LRP1: variants seen among roughly 807,000 people sequenced by gnomAD.
LRP1 encodes the protein LDL receptor related protein 1.
In LRP1, 51 loss-of-function variants were observed where a neutral mutation model predicts 541.5. That is an observed-to-expected ratio of 0.09 (90% CI 0.08 to 0.12). LRP1 has a LOEUF of 0.12. Among genes scored for constraint, LRP1 ranks in the 10% least tolerant of loss-of-function variants. The pLI is 1.00. For synonymous variants in LRP1, 2,219 were observed against 2,470.8 expected, an observed-to-expected ratio of 0.90 and a Z score of 3.02; for missense variants, 3,878 against 6,376.2, an observed-to-expected ratio of 0.61 and a Z score of 13.34.
chr12:57,133,557 G>A (rs2035083852), intron 1 of LRP1, among the ~76,000 whole-genome samples: 1 of 152,096 alleles, frequency 6.6e-6, no homozygotes, highest in Non-Finnish European at 1.5e-5. Flanking sequence ...GGGTTTGGGA[G>A]GCCCTTGCTG....
Position 57,185,231 on chromosome 12 carries a change from T to C in LRP1, c.6463+26T>C. 4 of 1,611,530 alleles carry C rather than the reference T, an allele frequency of 2.5e-6. No homozygotes were observed. The highest frequency in any genetic ancestry group is 3.4e-6 in the Non-Finnish European group (4 of 1,178,942). On this transcript the variant is annotated intron_variant, in intron 40 of 88. Coordinates refer to ENST00000243077, the MANE Select transcript of LRP1 (RefSeq NM_002332.3). This position sits in a 1 kb window ranked among gnomAD's most constrained non-coding sequence, Gnocchi z 4.9. The stretch of plus-strand genomic sequence containing the variant: ...GTGAGGCTGGGGCTCTGGGCTGGGG[T>C]GGAGAGGTGAGGGGGACTCTGGCCT...
intron 4 of LRP1, chr12:57,144,474 G>T: frequency 6.4e-6 from 1 of 156,898 alleles, no homozygotes; most frequent in Admixed American, 6.0e-5. Flanking sequence ...GCCTCCCTCG[G>T]GTCTTTGTGC....
intron 45 of LRP1, 70 bp downstream of exon 45, chr12:57,193,040 T>C (rs2136725278): frequency 6.3e-7 from 1 of 1,589,302 alleles, no homozygotes; most frequent in South Asian, 1.1e-5. Context: ...CCATCTCCCC[T>C]ACATGCTCCA....
At chr12:57,192,250 C>T (rs905138488) in intron 44 of LRP1, among the ~76,000 whole-genome samples, 3 of 152,070 alleles carry the variant, frequency 2.0e-5, no homozygotes, top group African/African-American at 7.3e-5. Flanking sequence ...GCAAAACCCC[C>T]AGTGCTCCTG....
chr12:57,210,586 C>T lies in LRP1; in HGVS notation c.12754+106C>T, dbSNP rs538573510. 2.5e-3 allele frequency: 3,580 copies of T among 1,445,196 alleles called. 7 individuals carry two copies. The highest frequency in any genetic ancestry group is 2.9e-3 in the Non-Finnish European group (3,141 of 1,065,564). The allele number at this position is 1,445,196 out of a possible 1,614,324, so 89.5% of individuals were successfully genotyped here. On this transcript the variant is annotated intron_variant, in intron 82 of 88. Coordinates refer to ENST00000243077, the MANE Select transcript of LRP1 (RefSeq NM_002332.3). ...GCCCAGCCCCTGCCTCGCCTCCAGC[C>T]TCCTTTCCACAACCCAGCATCCAGT...
chr12:57,204,712 G>A lies in LRP1; in HGVS notation c.11157G>A (p.Thr3719=), dbSNP rs554425850. The change falls in exon 72 of 89, where the codon ACG becomes ACA. Residue 3719 remains threonine, a synonymous_variant. Coordinates refer to ENST00000243077, the MANE Select transcript of LRP1 (RefSeq NM_002332.3). The surrounding 1 kb of genome is among the most constrained non-coding windows in gnomAD (Gnocchi z 5.3). ...CLWIGRQCDG[T]DNCGDGTDEE... is the part of the protein sequence containing the mutation. ...GGATCGGGCGCCAATGCGATGGCAC[G>A]GACAACTGTGGGGATGGGACTGATG... The A allele has an allele frequency of 1.7e-5, 27 of 1,614,048 alleles. 1 individual carries two copies. Among genetic ancestry groups the A allele is most frequent in the South Asian group, 1.4e-4 (13 of 91,078 alleles).
In LRP1 at chr12:57,208,103, C is replaced by T. The variant is rs569360228; in HGVS notation, c.11925C>T (p.Thr3975=). The T allele has an allele frequency of 4.5e-5, 72 of 1,614,152 alleles. 1 individual carries two copies. In the South Asian group the frequency reaches 5.5e-4, roughly 12 times the overall value. Residue 3975 remains threonine, a synonymous_variant, in exon 77 of 89, where the codon ACC becomes ACT. Coordinates refer to ENST00000243077, the MANE Select transcript of LRP1 (RefSeq NM_002332.3). ...GGGTGGCCGGAAACGTGTACTGGACCGACTCGGGCCGAGATGTGATTGAGG... is the reference window on the plus strand; with the variant it reads ...GGGTGGCCGGAAACGTGTACTGGACTGACTCGGGCCGAGATGTGATTGAGG... ...IDWVAGNVYW[T]DSGRDVIEVA... is the part of the protein sequence containing the mutation.
rs1411093808 is a variant in LRP1 at position 57,204,308 on chromosome 12, G to T, written c.10952-102G>T. 3.8e-5 allele frequency: 51 copies of T among 1,339,728 alleles called. No homozygotes were observed. Among genetic ancestry groups the T allele is most frequent in the Non-Finnish European group, 2.7e-5 (27 of 1,009,602 alleles). The allele number at this position is 1,339,728 out of a possible 1,614,324, so 83.0% of individuals were successfully genotyped here. ...CTGGTTCCAATTTGGCTGTGCCACTGCTTGCCTGGTGACCCCTCTGAGCCT... is the reference window on the plus strand; with the variant it reads ...CTGGTTCCAATTTGGCTGTGCCACTTCTTGCCTGGTGACCCCTCTGAGCCT... On this transcript the variant is annotated intron_variant, in intron 70 of 88. Transcript: ENST00000243077. This position sits in a 1 kb window ranked among gnomAD's most constrained non-coding sequence, Gnocchi z 5.3.
chr12:57,154,179 C>T lies in LRP1; in HGVS notation c.842-29C>T, dbSNP rs766868982. The T allele has an allele frequency of 3.9e-5, 62 of 1,598,194 alleles. 1 individual carries two copies. The Admixed American group carries it at 1.0e-3, about 26-fold the overall frequency. ...ATCTCTGCAAGAGGGCCTACCCCACCCCATGGCTCTTTCATTCGTACTCTC... is the reference window on the plus strand; with the variant it reads ...ATCTCTGCAAGAGGGCCTACCCCACTCCATGGCTCTTTCATTCGTACTCTC... On this transcript the variant is annotated intron_variant, in intron 6 of 88. Transcript: ENST00000243077. The surrounding 1 kb of genome is among the most constrained non-coding windows in gnomAD (Gnocchi z 4.6).
intron 18 of LRP1, among the ~76,000 whole-genome samples, 196 bp from the exon 19 acceptor site, chr12:57,167,248 A>T (rs1424126164): frequency 6.6e-6 from 1 of 152,156 alleles, no homozygotes; most frequent in Non-Finnish European, 1.5e-5. Flanking sequence ...AGCACTCAGC[A>T]CAGGTCCTGT....
At position 57,178,551 on chromosome 12, in the gene LRP1, C is replaced by T. The variant is rs1435101227; in HGVS notation, c.4554C>T (p.Thr1518=). 13 of 1,614,104 alleles carry T rather than the reference C, an allele frequency of 8.1e-6. No individual in the cohort carries two copies. The highest frequency in any genetic ancestry group is 1.1e-5 in the Non-Finnish European group (13 of 1,180,046). ...TGHNVTVVQR[T]NTQPFDLQVY... is the part of the protein sequence containing the mutation. The stretch of plus-strand genomic sequence containing the variant: ...ACAATGTCACCGTGGTACAGAGGAC[C>T]AACACCCAGCCCTTTGACCTGCAGG... Residue 1518 remains threonine (T), a synonymous_variant, in exon 27 of 89, where the codon ACC becomes ACT. Transcript: ENST00000243077. This position sits in a 1 kb window ranked among gnomAD's most constrained non-coding sequence, Gnocchi z 5.8.
At chr12:57,145,627 T>A (rs1230881880) in intron 6 of LRP1, 137 bp downstream of exon 6, 2 of 1,165,998 alleles carry the variant, frequency 1.7e-6, no homozygotes, top group East Asian at 4.8e-5. Flanking sequence ...CTGGATACAA[T>A]GGTGTGTGTT....
intron 68 of LRP1, chr12:57,202,850 C>A: frequency 1.8e-6 from 1 of 570,494 alleles, no homozygotes; most frequent in South Asian, 2.2e-5. Flanking sequence ...CTCTACCCAT[C>A]ATCCTTGATT....
chr12:57,201,359 C>A lies in LRP1; in HGVS notation c.10346-138C>A. The A allele has an allele frequency of 1.4e-6, 2 of 1,412,132 alleles. No homozygotes were observed. Among genetic ancestry groups the A allele is most frequent in the Non-Finnish European group, 9.6e-7 (1 of 1,042,300 alleles). The allele number at this position is 1,412,132 out of a possible 1,614,324, so 87.5% of individuals were successfully genotyped here. ...ATCCAGAAAACAAAAAGCACCAAAA[C>A]TGGGGATAAACTGTTCCTTCCTCCG... On this transcript the variant is annotated intron_variant, in intron 65 of 88. Transcript: ENST00000243077. This position sits in a 1 kb window ranked among gnomAD's most constrained non-coding sequence, Gnocchi z 6.4.
intron 20 of LRP1, among the ~76,000 whole-genome samples, chr12:57,170,565 A>G (rs770030830): frequency 6.6e-6 from 1 of 152,160 alleles, no homozygotes; most frequent in Non-Finnish European, 1.5e-5. Flanking sequence ...CACACCTGTA[A>G]TCCTATCACT....
chr12:57,197,788 CT>C lies in LRP1; in HGVS notation c.9282+125del. On this transcript the variant is annotated intron_variant, in intron 58 of 88. Coordinates refer to ENST00000243077, the MANE Select transcript of LRP1 (RefSeq NM_002332.3). The surrounding 1 kb of genome is among the most constrained non-coding windows in gnomAD (Gnocchi z 4.5). The stretch of plus-strand genomic sequence containing the variant: ...TCTCACTCCACTAGTCACTATATGA[CT>C]GCTTGTTCTAGCTGCTCACTCTCCT... 9.0e-7 allele frequency: 1 copy of C among 1,114,566 alleles called. No individual in the cohort carries two copies. Among genetic ancestry groups the C allele is most frequent in the Non-Finnish European group, 1.3e-6 (1 of 789,710 alleles). 69.0% of individuals were successfully genotyped at this position (1,114,566 alleles called of 1,614,324 possible).
At chr12:57,143,912 G>C in intron 4 of LRP1, 114 bp downstream of exon 4, 1 of 1,371,534 alleles carries the variant, frequency 7.3e-7, no homozygotes, top group Non-Finnish European at 9.7e-7. Context: ...CTAGAAGGAA[G>C]GTGCAAGAGA....
At chr12:57,146,929 T>C (rs1237520323) in intron 6 of LRP1, among the ~76,000 whole-genome samples, 2 of 152,008 alleles carry the variant, frequency 1.3e-5, no homozygotes, top group Non-Finnish European at 2.9e-5. Flanking sequence ...AGCTTGTCAG[T>C]TTCCTCCCCA....
chr12:57,166,055 C>T lies in LRP1; in HGVS notation c.2672-29C>T, dbSNP rs765670324. 100 of 1,613,646 alleles carry T rather than the reference C, an allele frequency of 6.2e-5. No individual in the cohort carries two copies. In the South Asian group the frequency reaches 1.0e-3, roughly 17 times the overall value. On this transcript the variant is annotated intron_variant, in intron 16 of 88. Transcript: ENST00000243077. ...AGGAAGCTGGGGGCACCCAACTTCT[C>T]GCTGACCCCTGACTCATTCCCTCCC... is the stretch of plus-strand genomic sequence containing the variant.
Sources: gnomAD v4.1 joint callset for allele counts (sites outside exome capture counted in the v4.1 genomes callset) on GRCh38, gnomAD v4.1.1 for gene constraint, Gnocchi (gnomAD v3.1) non-coding constraint, MANE v1.5 for transcripts, NCBI Gene and HGNC (gene_info 2026-07-23, HGNC 2026-07-21) for gene names.